INPP4B: variants seen among roughly 807,000 people sequenced by gnomAD.
The protein encoded by INPP4B is inositol polyphosphate 4-phosphatase type II.
In INPP4B, 55 loss-of-function variants were observed where a neutral mutation model predicts 122.5. That is an observed-to-expected ratio of 0.45 (90% CI 0.36 to 0.56). INPP4B has a LOEUF of 0.56. INPP4B is among the 20% of genes least tolerant of loss of function. The pLI is 0.00. For missense variants in INPP4B, 1,000 were observed against 1,097.7 expected (o/e 0.91, Z 1.26); for synonymous variants, 403 against 388.7 (o/e 1.04, Z -0.43).
In INPP4B at chr4:142,026,830, C is replaced by A. The variant is rs1737160720; in HGVS notation, c.*1952G>T. ...TTTCCATATTTAAGTAGTTTGTTTT[C>A]AAAAATACAAATAAAAATTATTGCT... is the stretch of plus-strand genomic sequence containing the variant. On this transcript the variant is annotated 3_prime_UTR_variant, in exon 26 of 26. Coordinates refer to ENST00000262992, the MANE Select transcript of INPP4B (RefSeq NM_001101669.3). 6.6e-6 allele frequency: 1 copy of A among 152,066 alleles called. No homozygotes were observed. The highest frequency in any genetic ancestry group is 1.5e-5 in the Non-Finnish European group (1 of 68,016). 9.4% of individuals were successfully genotyped at this position (152,066 alleles called of 1,614,324 possible).
chr4:142,811,561 T>C (rs1238485397), intron 1 of INPP4B, among the ~76,000 whole-genome samples: 1 of 152,194 alleles, frequency 6.6e-6, no homozygotes, highest in Non-Finnish European at 1.5e-5. Flanking sequence ...GTATATCACA[T>C]TGATACAATC....
At chr4:142,660,345 G>A (rs181707949) in intron 2 of INPP4B, among the ~76,000 whole-genome samples, 2 of 152,174 alleles carry the variant, frequency 1.3e-5, no homozygotes, top group Non-Finnish European at 2.9e-5. Flanking sequence ...GGGAACTAGA[G>A]ATGGCTACTC....
chr4:142,214,448 C>A (rs1481280038), intron 12 of INPP4B, among the ~76,000 whole-genome samples: 3 of 152,188 alleles, frequency 2.0e-5, no homozygotes, highest in African/African-American at 7.2e-5. Flanking sequence ...CTGTTTAACT[C>A]AATGTTTTAA....
At chr4:142,721,122 T>C (rs936816305) in intron 2 of INPP4B, among the ~76,000 whole-genome samples, 5 of 151,764 alleles carry the variant, frequency 3.3e-5, no homozygotes, top group Admixed American at 2.0e-4. Context: ...AATGAGCAGA[T>C]CTGCTAAAGC....
intron 2 of INPP4B, among the ~76,000 whole-genome samples, chr4:142,604,929 G>A (rs1740902287): frequency 6.6e-6 from 1 of 151,984 alleles, no homozygotes; most frequent in Admixed American, 6.6e-5. Flanking sequence ...TAAGCAAAAA[G>A]AACAAAGCTG....
rs62331865 is a variant in INPP4B at position 142,639,139 on chromosome 4, G to A, written c.-191+86700C>T. On this transcript the variant is annotated intron_variant, in intron 2 of 25. Transcript: ENST00000262992. ...CGTGGGATCATGCCACTTGGTTGTG[G>A]TATATAATTATTTTTATACATTACT... is the stretch of plus-strand genomic sequence containing the variant. 7.6e-3 allele frequency among the ~76,000 whole-genome samples: 1,160 copies of A among 152,074 alleles called. 8 individuals carry two copies. Among genetic ancestry groups the A allele is most frequent in the Non-Finnish European group, 0.012 (830 of 67,990 alleles).
chr4:142,115,342 T>G (rs921727074), intron 21 of INPP4B, among the ~76,000 whole-genome samples: 3 of 152,038 alleles, frequency 2.0e-5, no homozygotes, highest in African/African-American at 7.2e-5. Flanking sequence ...GAAGAGCAAC[T>G]CTAAGACACA....
At chr4:142,253,997 G>A (rs960179615) in intron 11 of INPP4B, among the ~76,000 whole-genome samples, 1 of 151,884 alleles carries the variant, frequency 6.6e-6, no homozygotes, top group African/African-American at 2.4e-5. Flanking sequence ...CCAGCTCGCA[G>A]CTAGAGATCT....
At position 142,576,692 on chromosome 4, in the gene INPP4B, C is replaced by T. The variant is rs141321759; in HGVS notation, c.-190-113966G>A. Reference sequence around the variant, plus strand: ...AAAGCACACCTGTAGTTTGCAATGACACTCAAGGATTTGCACTACAACTTA... The same window carrying T: ...AAAGCACACCTGTAGTTTGCAATGATACTCAAGGATTTGCACTACAACTTA... On this transcript the variant is annotated intron_variant, in intron 2 of 25. Coordinates refer to ENST00000262992, the MANE Select transcript of INPP4B (RefSeq NM_001101669.3). 3.3e-3 allele frequency among the ~76,000 whole-genome samples: 499 copies of T among 152,072 alleles called. 7 individuals carry two copies. Among genetic ancestry groups the T allele is most frequent in the East Asian group, 0.018 (93 of 5,164 alleles).
At chr4:142,653,064 A>C (rs1352859904) in intron 2 of INPP4B, among the ~76,000 whole-genome samples, 9 of 152,190 alleles carry the variant, frequency 5.9e-5, no homozygotes, top group Non-Finnish European at 1.3e-4. Flanking sequence ...CTCAGAAATA[A>C]CACCACACAT....
At chr4:142,358,763 C>T (rs1428301547) in intron 7 of INPP4B, among the ~76,000 whole-genome samples, 1 of 151,396 alleles carries the variant, frequency 6.6e-6, no homozygotes, top group Non-Finnish European at 1.5e-5. Flanking sequence ...ACCTAGAATA[C>T]TTGTTACAAA....
At chr4:142,573,645 A>G (rs1239368611) in intron 2 of INPP4B, among the ~76,000 whole-genome samples, 2 of 152,066 alleles carry the variant, frequency 1.3e-5, no homozygotes, top group Non-Finnish European at 2.9e-5. Flanking sequence ...CGATTGGGCC[A>G]TATTAGTTTG....
At chr4:142,366,255 T>C (rs1301035694) in intron 7 of INPP4B, among the ~76,000 whole-genome samples, 1 of 151,802 alleles carries the variant, frequency 6.6e-6, no homozygotes, top group Non-Finnish European at 1.5e-5. Flanking sequence ...GAACTAATGA[T>C]AATCCACCAC....
chr4:142,084,756 G>A (rs1221463459), intron 24 of INPP4B, among the ~76,000 whole-genome samples: 2 of 152,206 alleles, frequency 1.3e-5, no homozygotes, highest in African/African-American at 2.4e-5. Context: ...ACATTAAAAT[G>A]GGAAATTGCA....
At chr4:142,628,440 T>C (rs1357939894) in intron 2 of INPP4B, among the ~76,000 whole-genome samples, 1 of 51,526 alleles carries the variant, frequency 1.9e-5, no homozygotes, top group Non-Finnish European at 5.2e-5. Flanking sequence ...AGGGATAGCA[T>C]TGGGAGATAT....
intron 2 of INPP4B, among the ~76,000 whole-genome samples, chr4:142,705,032 C>T (rs1194550269): frequency 6.6e-6 from 1 of 152,128 alleles, no homozygotes; most frequent in Non-Finnish European, 1.5e-5. Context: ...GCCTTTATCC[C>T]CTTGAAATTC....
At chr4:142,352,537 A>G (rs1438950781) in intron 7 of INPP4B, among the ~76,000 whole-genome samples, 1 of 151,624 alleles carries the variant, frequency 6.6e-6, no homozygotes, top group East Asian at 1.9e-4. Context: ...TTCCCAACCC[A>G]TATGTGTACA....
rs551744956 is a variant in INPP4B, at chr4:142,209,105, A to C, written c.837-79T>G. 429 of 980,010 alleles carry C rather than the reference A, an allele frequency of 4.4e-4. 2 individuals carry two copies. Among genetic ancestry groups the C allele is most frequent in the Non-Finnish European group, 5.8e-4 (404 of 698,876 alleles). The allele number at this position is 980,010 out of a possible 1,614,324, so 60.7% of individuals were successfully genotyped here. ...GCATAACCCTTAGTCAGAGTTGTCA[A>C]GATAATAAGAAATTATTTCATCCTA... On this transcript the variant is annotated intron_variant, in intron 12 of 25. Transcript: ENST00000262992.
At chr4:142,803,797 C>T (rs1778324976) in intron 1 of INPP4B, among the ~76,000 whole-genome samples, 3 of 152,016 alleles carry the variant, frequency 2.0e-5, no homozygotes, top group Admixed American at 2.0e-4. Flanking sequence ...ATGTAAAAAT[C>T]CTTGAGAAAA....
Sources: gnomAD v4.1 joint callset for allele counts (sites outside exome capture counted in the v4.1 genomes callset) on GRCh38, gnomAD v4.1.1 for gene constraint, MANE v1.5 for transcripts, NCBI Gene and HGNC (gene_info 2026-07-23, HGNC 2026-07-21) for gene names.